Variants in ITPR1 observed in about 807,000 individuals in gnomAD.
The protein encoded by ITPR1 is inositol 1,4,5-trisphosphate-gated calcium channel ITPR1.
ITPR1 carries 96 observed loss-of-function variants against 318.4 expected under a neutral mutation model. The observed-to-expected ratio is 0.30, with a 90% CI of 0.26 to 0.36. ITPR1 has a LOEUF of 0.36. ITPR1 is among the 10% of genes least tolerant of loss of function. The pLI, the probability that ITPR1 is intolerant of heterozygous loss-of-function variation, is 1.00. For missense variants in ITPR1, 2,440 were observed against 3,460.2 expected (o/e 0.71, Z 7.40); for synonymous variants, 1,312 against 1,289.9 (o/e 1.02, Z -0.37).
intron 31 of ITPR1, among the ~76,000 whole-genome samples, chr3:4,689,064 T>A (rs1559700074): frequency 6.6e-6 from 1 of 152,242 alleles, no homozygotes; most frequent in South Asian, 2.1e-4. Flanking sequence ...AAATGTATTG[T>A]AGGTTTTGTA....
rs115729335 is a variant in ITPR1, at chr3:4,550,577, C to T, written c.163+29483C>T. 9.4e-3 allele frequency among the ~76,000 whole-genome samples: 1,429 copies of T among 152,206 alleles called. 12 individuals carry two copies. The highest frequency in any genetic ancestry group is 0.014 in the Non-Finnish European group (962 of 68,006). On this transcript the variant is annotated intron_variant, in intron 4 of 61. Coordinates refer to ENST00000649015, the MANE Select transcript of ITPR1 (RefSeq NM_001378452.1). ...GGCCAGTTATCTCCAAGTTAGATTT[C>T]GTTCATGGGACAAATGGCAGACTTT...
rs558233653 is a variant in ITPR1 at position 4,496,223 on chromosome 3, T to C, written c.-17+1717T>C. On this transcript the variant is annotated intron_variant, in intron 2 of 61. Transcript: ENST00000649015. Reference sequence around the variant, plus strand: ...AGTTTAAACTGCAGTTAGACTGCAATGTGAAATGTTGATACCTTTTCATAT... The same window carrying C: ...AGTTTAAACTGCAGTTAGACTGCAACGTGAAATGTTGATACCTTTTCATAT... 2.0e-5 allele frequency among the ~76,000 whole-genome samples: 3 copies of C among 152,370 alleles called. No homozygotes were observed. The South Asian group carries it at 6.2e-4, about 32-fold the overall frequency.
chr3:4,593,527 G>A (rs1313060895), intron 4 of ITPR1, among the ~76,000 whole-genome samples: 1 of 152,192 alleles, frequency 6.6e-6, no homozygotes, highest in African/African-American at 2.4e-5. Flanking sequence ...ACACAAGAAA[G>A]CTGGTGACAT....
intron 40 of ITPR1, among the ~76,000 whole-genome samples, chr3:4,720,796 A>AG (rs34134281): frequency 0.34 from 51,181 of 150,160 alleles, 9,421 homozygotes; most frequent in East Asian, 0.72. Context: ...AATTCGAGGT[A>AG]GAGGGGGAAA....
At chr3:4,722,869 C>G (rs1397203435) in intron 40 of ITPR1, among the ~76,000 whole-genome samples, 1 of 152,194 alleles carries the variant, frequency 6.6e-6, no homozygotes, top group Non-Finnish European at 1.5e-5. Context: ...ATATTTGCAG[C>G]CATGTGTGGT....
chr3:4,833,052 T>C (rs1463568902), intron 60 of ITPR1, among the ~76,000 whole-genome samples: 1 of 152,240 alleles, frequency 6.6e-6, no homozygotes, highest in African/African-American at 2.4e-5. Context: ...AGCTTGAGAA[T>C]AGAGACCTTG....
chr3:4,616,108 C>T (rs78906690), intron 4 of ITPR1, among the ~76,000 whole-genome samples: 6,826 of 152,262 alleles, frequency 0.045, 502 homozygotes, highest in African/African-American at 0.15. Flanking sequence ...CAGTGTTTCA[C>T]TGGTTTCCTC....
chr3:4,554,678 C>T (rs1219765015), intron 4 of ITPR1, among the ~76,000 whole-genome samples: 8 of 142,964 alleles, frequency 5.6e-5, no homozygotes, highest in Admixed American at 4.5e-4. Context: ...TCAGTTAACC[C>T]GGTGGTAACC....
At chr3:4,657,983 G>A in intron 12 of ITPR1, 141 bp from the exon 13 acceptor site, 1 of 707,132 alleles carries the variant, frequency 1.4e-6, no homozygotes, top group Non-Finnish European at 2.4e-6. Context: ...TTTTAGGACT[G>A]CTCTGTAACT....
At chr3:4,808,747 G>C (rs766473139) in intron 55 of ITPR1, among the ~76,000 whole-genome samples, 1 of 152,214 alleles carries the variant, frequency 6.6e-6, no homozygotes, top group Non-Finnish European at 1.5e-5. Context: ...CCTGTAAAAG[G>C]AGAGAGACCT....
intron 4 of ITPR1, among the ~76,000 whole-genome samples, chr3:4,619,264 T>A (rs1182105722): frequency 6.6e-6 from 1 of 152,186 alleles, no homozygotes; most frequent in Non-Finnish European, 1.5e-5. Context: ...TGCTGGGGAA[T>A]TACTGGGTTC....
chr3:4,618,405 T>A (rs1389538932), intron 4 of ITPR1, among the ~76,000 whole-genome samples: 2 of 152,250 alleles, frequency 1.3e-5, no homozygotes, highest in African/African-American at 4.8e-5. Context: ...GTCAACTTAC[T>A]GTTATTGTTA....
intron 36 of ITPR1, among the ~76,000 whole-genome samples, chr3:4,705,006 A>G (rs551942724): frequency 6.6e-6 from 1 of 152,218 alleles, no homozygotes; most frequent in Admixed American, 6.5e-5. Flanking sequence ...GCTGGCTTAT[A>G]GTTTTTTTTC....
intron 44 of ITPR1, among the ~76,000 whole-genome samples, chr3:4,751,875 C>A (rs1184709840): frequency 6.6e-6 from 1 of 152,144 alleles, no homozygotes; most frequent in Non-Finnish European, 1.5e-5. Context: ...CCCCTGCTTC[C>A]CTGAGAACTG....
intron 44 of ITPR1, among the ~76,000 whole-genome samples, chr3:4,762,435 C>T (rs185851632): frequency 6.6e-6 from 1 of 152,318 alleles, no homozygotes; most frequent in Non-Finnish European, 1.5e-5. Flanking sequence ...AGGTGACACT[C>T]GCTAGTAAGC....
At chr3:4,841,585 A>G (rs2051348118) in intron 61 of ITPR1, among the ~76,000 whole-genome samples, 1 of 152,246 alleles carries the variant, frequency 6.6e-6, no homozygotes. Context: ...GTGGGAAACA[A>G]GTAAACAGAT....
chr3:4,641,272 A>G lies in ITPR1; in HGVS notation c.367-821A>G, dbSNP rs1281103038. The stretch of plus-strand genomic sequence containing the variant: ...TCCCCTCTAGGTCTTCAGTCTTTCC[A>G]TATTCCTCATGTAATTATTACCCCA... On this transcript the variant is annotated intron_variant, in intron 6 of 61. Coordinates refer to ENST00000649015, the MANE Select transcript of ITPR1 (RefSeq NM_001378452.1). 3.3e-5 allele frequency among the ~76,000 whole-genome samples: 5 copies of G among 152,322 alleles called. No homozygotes were observed. The South Asian group carries it at 8.3e-4, about 25-fold the overall frequency.
chr3:4,836,184 T>C (rs1559984340), intron 60 of ITPR1, among the ~76,000 whole-genome samples: 2 of 152,032 alleles, frequency 1.3e-5, no homozygotes, highest in African/African-American at 4.8e-5. Flanking sequence ...ATACACAGCA[T>C]AATATGAGGC....
At chr3:4,762,044 C>T (rs1389065049) in intron 44 of ITPR1, among the ~76,000 whole-genome samples, 2 of 137,502 alleles carry the variant, frequency 1.5e-5, no homozygotes, top group African/African-American at 2.5e-5. Context: ...AAGGGCACGC[C>T]CCTTCTAAGA....
Sources: allele counts gnomAD v4.1 joint callset (sites outside exome capture counted in the v4.1 genomes callset), GRCh38; gene constraint gnomAD v4.1.1; transcripts MANE v1.5; gene names NCBI Gene and HGNC (gene_info 2026-07-23, HGNC 2026-07-21).